Variants in RYR2 observed in about 807,000 individuals in gnomAD.
RYR2 encodes the protein ryanodine receptor 2.
Under a neutral mutation model 601.1 loss-of-function variants are expected in RYR2, and 227 were observed. The observed-to-expected ratio is 0.38, with a 90% confidence interval of 0.34 to 0.42. RYR2 has a LOEUF of 0.42. Among genes scored for constraint, RYR2 ranks in the 10% least tolerant of loss-of-function variants. RYR2 has a pLI of 1.00. For missense variants in RYR2, 4,646 were observed against 6,156.5 expected (o/e 0.75, Z 8.21); for synonymous variants, 2,223 against 2,175.1 (o/e 1.02, Z -0.61).
At chr1:237,329,226 A>C (rs1696472424) in intron 2 of RYR2, among the ~76,000 whole-genome samples, 1 of 152,086 alleles carries the variant, frequency 6.6e-6, no homozygotes, top group South Asian at 2.1e-4. Context: ...TCTGTCACTC[A>C]GGTTTTCATA....
rs552702796 is a variant in RYR2 at position 237,787,862 on chromosome 1, A to T, written c.13329-126A>T. On this transcript the variant is annotated intron_variant, in intron 91 of 104. Transcript: ENST00000366574. ...ATTCAGAATATTATCATTCACCGGA[A>T]AAGAAATTAGTTTTCAAAAGTAATA... 2.3e-4 allele frequency: 204 copies of T among 878,964 alleles called. No individual in the cohort carries two copies. The African/African-American group carries it at 3.2e-3, about 14-fold the overall frequency. 54.4% of individuals were successfully genotyped at this position (878,964 alleles called of 1,614,324 possible).
intron 1 of RYR2, among the ~76,000 whole-genome samples, chr1:237,129,189 A>G (rs530515383): frequency 1.3e-5 from 2 of 152,302 alleles, no homozygotes; most frequent in South Asian, 4.2e-4. Flanking sequence ...CCCAGCTGGT[A>G]TTCCTGCTTC....
At chr1:237,683,482 G>A (rs548179883) in intron 62 of RYR2, among the ~76,000 whole-genome samples, 23 of 152,272 alleles carry the variant, frequency 1.5e-4, no homozygotes, top group Admixed American at 1.3e-3. Context: ...ATAGAGGGGC[G>A]AGAGATTTAT....
chr1:237,437,682 A>G (rs948024566), intron 12 of RYR2, among the ~76,000 whole-genome samples: 3 of 152,248 alleles, frequency 2.0e-5, no homozygotes, highest in Non-Finnish European at 4.4e-5. Context: ...ATGAGAGTAC[A>G]TGAATGAAAA....
intron 2 of RYR2, among the ~76,000 whole-genome samples, chr1:237,295,524 T>C (rs1376106988): frequency 1.3e-5 from 2 of 152,130 alleles, no homozygotes; most frequent in African/African-American, 4.8e-5. Context: ...GACATTGAAA[T>C]GTTGGCTATC....
chr1:237,716,152 A>G (rs1295015806), intron 71 of RYR2, among the ~76,000 whole-genome samples: 1 of 152,124 alleles, frequency 6.6e-6, no homozygotes, highest in Non-Finnish European at 1.5e-5. Flanking sequence ...ATAACGTAAT[A>G]TATAAGCTAT....
At chr1:237,406,318 C>T (rs1392376670) in intron 10 of RYR2, among the ~76,000 whole-genome samples, 1 of 149,966 alleles carries the variant, frequency 6.7e-6, no homozygotes, top group Non-Finnish European at 1.5e-5. Context: ...TCAAACTGTA[C>T]ATTCGTGGAT....
intron 4 of RYR2, among the ~76,000 whole-genome samples, chr1:237,357,258 A>G (rs1699383484): frequency 6.6e-6 from 1 of 152,208 alleles, no homozygotes; most frequent in African/African-American, 2.4e-5. Flanking sequence ...GGCTATAGTT[A>G]AAATGCTGAT....
In RYR2 at chr1:237,224,116, G is replaced by A. The variant is rs1302185286; in HGVS notation, c.49-46381G>A. On this transcript the variant is annotated intron_variant, in intron 1 of 104. Transcript: ENST00000366574. The stretch of plus-strand genomic sequence containing the variant: ...TAATACAGTTGAACCCTTGAGTAAC[G>A]TATGTTTGAACTCCTTGGGTCTACT... 7.2e-5 allele frequency among the ~76,000 whole-genome samples: 11 copies of A among 152,136 alleles called. No individual in the cohort carries two copies. In the East Asian group the frequency reaches 1.7e-3, roughly 24 times the overall value.
At chr1:237,219,601 G>A (rs1040572433) in intron 1 of RYR2, among the ~76,000 whole-genome samples, 2 of 152,156 alleles carry the variant, frequency 1.3e-5, no homozygotes, top group South Asian at 2.1e-4. Flanking sequence ...CTTGGGGCAC[G>A]TGGCTGTGTT....
At position 237,813,709 on chromosome 1, in the gene RYR2, C is replaced by T. The variant is rs532892811; in HGVS notation, c.14433+4674C>T. Among the ~76,000 whole-genome samples, 64 of 152,270 alleles carry T rather than the reference C, an allele frequency of 4.2e-4. 1 individual carries two copies. The South Asian group carries it at 6.8e-3, about 16-fold the overall frequency. On this transcript the variant is annotated intron_variant, in intron 100 of 104. Transcript: ENST00000366574. ...GAAACTTGGTTCCGGTGAGGAAATA[C>T]GGCCTGTTGATGTTCTGAACTATGG...
intron 42 of RYR2, among the ~76,000 whole-genome samples, chr1:237,632,558 C>A (rs1219496736): frequency 6.6e-6 from 1 of 151,918 alleles, no homozygotes; most frequent in East Asian, 1.9e-4. Flanking sequence ...CCATTCCCTG[C>A]TAATTTTTTT....
chr1:237,230,284 A>G (rs879804563), intron 1 of RYR2, among the ~76,000 whole-genome samples: 2 of 152,200 alleles, frequency 1.3e-5, no homozygotes, highest in Admixed American at 1.3e-4. Flanking sequence ...ATTATCCCTA[A>G]TGCTATTTTA....
intron 1 of RYR2, among the ~76,000 whole-genome samples, chr1:237,257,769 G>A (rs1688133998): frequency 6.6e-6 from 1 of 152,172 alleles, no homozygotes; most frequent in Admixed American, 6.5e-5. Flanking sequence ...AAGGTAGGGT[G>A]AGAAGGAGAG....
intron 24 of RYR2, among the ~76,000 whole-genome samples, chr1:237,515,755 T>TCCC (rs1572680646): frequency 8.7e-5 from 7 of 80,654 alleles, no homozygotes; most frequent in Admixed American, 1.3e-4. Context: ...CTTCCTCTTC[T>TCCC]TCTCCTCCTC....
intron 8 of RYR2, 65 bp from the exon 9 acceptor site, chr1:237,387,216 G>GA: frequency 7.1e-7 from 1 of 1,402,496 alleles, no homozygotes; most frequent in African/African-American, 1.4e-5. Context: ...TGCATTCCTA[G>GA]AAGCACTTAC....
intron 99 of RYR2, among the ~76,000 whole-genome samples, chr1:237,807,498 C>T (rs1307878800): frequency 6.6e-6 from 1 of 152,104 alleles, no homozygotes. Flanking sequence ...ATTATAGGCG[C>T]GTGCCACCAT....
At position 237,812,730 on chromosome 1, in the gene RYR2, C is replaced by T. The variant is rs541598426; in HGVS notation, c.14433+3695C>T. 4.8e-4 allele frequency among the ~76,000 whole-genome samples: 73 copies of T among 152,188 alleles called. No individual in the cohort carries two copies. The South Asian group carries it at 5.2e-3, about 11-fold the overall frequency. On this transcript the variant is annotated intron_variant, in intron 100 of 104. Transcript: ENST00000366574. ...ACTTACATTTGCTAGTCTTCTTCTC[C>T]GATTAATTGCTGGACAAATAATTCA...
chr1:237,261,643 C>T (rs1240531471), intron 1 of RYR2, among the ~76,000 whole-genome samples: 1 of 152,160 alleles, frequency 6.6e-6, no homozygotes, highest in East Asian at 1.9e-4. Flanking sequence ...CACCTGTAAT[C>T]CCAGCACTTT....
Sources: allele counts gnomAD v4.1 joint callset (sites outside exome capture counted in the v4.1 genomes callset), GRCh38; gene constraint gnomAD v4.1.1; transcripts MANE v1.5; gene names NCBI Gene and HGNC (gene_info 2026-07-23, HGNC 2026-07-21).